ANTXR2: variants seen among roughly 807,000 people sequenced by gnomAD.
The protein encoded by ANTXR2 is ANTXR cell adhesion molecule 2.
In ANTXR2, 44 loss-of-function variants were observed where a neutral mutation model predicts 73.7. That is an observed-to-expected ratio of 0.60 (90% confidence interval 0.47 to 0.77). The LOEUF (loss-of-function observed/expected upper bound fraction) is 0.77, where lower values mean the gene tolerates loss of function less well. Ranked by LOEUF, ANTXR2 falls within the 30% of genes least tolerant of loss-of-function variation. The pLI, the probability that ANTXR2 is intolerant of heterozygous loss-of-function variation, is 0.00. For missense variants in ANTXR2, 604 were observed against 592.5 expected, an observed-to-expected ratio of 1.02 and a Z score of -0.20; for synonymous variants, 217 against 205.9, an observed-to-expected ratio of 1.05 and a Z score of -0.46.
chr4:80,048,191 T>C (rs1388860375), intron 7 of ANTXR2, among the ~76,000 whole-genome samples: 3 of 150,426 alleles, frequency 2.0e-5, no homozygotes, highest in Non-Finnish European at 4.4e-5. Flanking sequence ...AAAACTTGCA[T>C]AGATTTTATT....
intron 16 of ANTXR2, among the ~76,000 whole-genome samples, chr4:79,913,244 A>G (rs1330412178): frequency 6.6e-6 from 1 of 152,148 alleles, no homozygotes; most frequent in Non-Finnish European, 1.5e-5. Context: ...TGGTGTACCC[A>G]CTGTAATGCA....
chr4:80,015,610 G>A (rs1731798444), intron 11 of ANTXR2, among the ~76,000 whole-genome samples: 1 of 151,604 alleles, frequency 6.6e-6, no homozygotes, highest in Admixed American at 6.6e-5. Context: ...GTCAGACCTT[G>A]TGATTTCTCA....
intron 10 of ANTXR2, among the ~76,000 whole-genome samples, chr4:80,019,282 G>GC (rs1228856820): frequency 6.6e-6 from 1 of 152,148 alleles, no homozygotes; most frequent in South Asian, 2.1e-4. Context: ...CAGGAGAATT[G>GC]CTGGAACCTG....
At chr4:79,943,888 G>C (rs1289484857) in intron 16 of ANTXR2, among the ~76,000 whole-genome samples, 4 of 151,362 alleles carry the variant, frequency 2.6e-5, no homozygotes, top group Non-Finnish European at 1.5e-5. Flanking sequence ...CTAGGAACTG[G>C]ATATTTCAAC....
chr4:79,977,960 T>C (rs751365656), intron 15 of ANTXR2, 47 bp downstream of exon 15: 4 of 1,527,252 alleles, frequency 2.6e-6, no homozygotes, highest in African/African-American at 1.4e-5. Flanking sequence ...AAAGTTACAA[T>C]GTCTCCAGAA....
In ANTXR2 at chr4:79,938,076, C is replaced by T. The variant is rs528377913; in HGVS notation, c.1429-30609G>A. Among the ~76,000 whole-genome samples, 31 of 19,942 alleles carry T rather than the reference C, an allele frequency of 1.6e-3. No individual in the cohort carries two copies. In the East Asian group the frequency reaches 0.016, roughly 10 times the overall value. The allele number at this position is 19,942 out of a possible 152,430, so 13.1% of individuals were successfully genotyped here. ...CCCACACCTGGCTCGGAGGGTCCTA[C>T]GCCCACGGAATCTCGCTGATTGCTA... On this transcript the variant is annotated intron_variant, in intron 16 of 16. Transcript: ENST00000403729.
chr4:79,993,760 G>GCGTGCGCGCACACACA (rs71662888), intron 12 of ANTXR2, among the ~76,000 whole-genome samples: 3 of 140,658 alleles, frequency 2.1e-5, no homozygotes, highest in Admixed American at 2.1e-4. Flanking sequence ...ACACACACAC[G>GCGTGCGCGCACACACA]CACACACACA....
intron 11 of ANTXR2, among the ~76,000 whole-genome samples, chr4:80,014,006 A>T (rs928926029): frequency 6.6e-6 from 1 of 152,140 alleles, no homozygotes; most frequent in Non-Finnish European, 1.5e-5. Flanking sequence ...GACCCCTCGG[A>T]CATTTTCTCA....
intron 14 of ANTXR2, among the ~76,000 whole-genome samples, chr4:79,982,878 G>A (rs13125598): frequency 0.071 from 10,806 of 152,150 alleles, 468 homozygotes; most frequent in Middle Eastern, 0.11. Flanking sequence ...TGACAACCAT[G>A]TTCAGTATGT....
chr4:79,965,824 A>T (rs900183221), intron 16 of ANTXR2, among the ~76,000 whole-genome samples: 1 of 152,202 alleles, frequency 6.6e-6, no homozygotes, highest in African/African-American at 2.4e-5. Flanking sequence ...CTATTTACAA[A>T]TTTCCTAATA....
In ANTXR2 at chr4:80,018,927, CT is replaced by C; in HGVS notation, c.915del (p.Gly306AspfsTer3). 2 of 1,518,916 alleles carry C rather than the reference CT, an allele frequency of 1.3e-6. No individual in the cohort carries two copies. The highest frequency in any genetic ancestry group is 1.8e-6 in the Non-Finnish European group (2 of 1,136,418). 94.1% of individuals were successfully genotyped at this position (1,518,916 alleles called of 1,614,324 possible). A position where few individuals can be genotyped will look rare whatever the true frequency, so the allele number is the denominator to read the frequency against. On this transcript the variant is annotated frameshift_variant, in exon 11 of 17. Coordinates refer to ENST00000403729, the MANE Select transcript of ANTXR2 (RefSeq NM_058172.6). LOFTEE classifies it high-confidence loss of function. ...VSFNGGKSVI[S>X]GSLIVTATEC... is the part of the protein sequence containing the mutation. The stretch of plus-strand genomic sequence containing the variant: ...TCTGTGGCTGTGACAATTAATGATC[CT>C]GAAATGACAGATTTTCCTCCATTAA...
At chr4:79,965,450 C>T (rs1729326297) in intron 16 of ANTXR2, among the ~76,000 whole-genome samples, 1 of 152,190 alleles carries the variant, frequency 6.6e-6, no homozygotes, top group South Asian at 2.1e-4. Context: ...CTTGACAATA[C>T]ACATCAAGTT....
At chr4:79,961,641 T>C (rs966967625) in intron 16 of ANTXR2, among the ~76,000 whole-genome samples, 3 of 152,076 alleles carry the variant, frequency 2.0e-5, no homozygotes, top group African/African-American at 4.8e-5. Context: ...GGTCTCCCTA[T>C]GTTGCCCAGG....
At chr4:79,977,182 G>A (rs967747148) in intron 16 of ANTXR2, among the ~76,000 whole-genome samples, 3 of 152,114 alleles carry the variant, frequency 2.0e-5, no homozygotes, top group Non-Finnish European at 4.4e-5. Context: ...CAAGAAATTC[G>A]ATTACATCAA....
rs13140055 is a variant in ANTXR2, at chr4:80,072,642, G to T, written c.-82C>A. The T allele has an allele frequency of 0.38, 521,866 of 1,359,096 alleles. 102,550 individuals carry two copies. Among genetic ancestry groups the T allele is most frequent in the South Asian group, 0.57 (32,364 of 57,196 alleles). 84.2% of individuals were successfully genotyped at this position (1,359,096 alleles called of 1,614,324 possible). ...GTCGCAAAGGTGGCGGGAGTCACCCGGCACGCACTCTGGGGTGGGGGGCGG... is the reference window on the plus strand; with the variant it reads ...GTCGCAAAGGTGGCGGGAGTCACCCTGCACGCACTCTGGGGTGGGGGGCGG... On this transcript the variant is annotated 5_prime_UTR_variant, in exon 1 of 17. Coordinates refer to ENST00000403729, the MANE Select transcript of ANTXR2 (RefSeq NM_058172.6).
Position 79,907,417 on chromosome 4 carries a change from C to T in ANTXR2, c.*12G>A, listed in dbSNP as rs1488917665. ...GCCATCTTCGTACCTTCTTGGTCTT[C>T]CTGCTTCCCTTTTACTGAGATGGAA... On this transcript the variant is annotated 3_prime_UTR_variant, in exon 17 of 17. Coordinates refer to ENST00000403729, the MANE Select transcript of ANTXR2 (RefSeq NM_058172.6). The T allele has an allele frequency of 2.5e-6, 4 of 1,611,802 alleles. No homozygotes were observed. The highest frequency in any genetic ancestry group is 3.4e-6 in the Non-Finnish European group (4 of 1,178,632).
chr4:79,994,903 T>C (rs1375766780), intron 12 of ANTXR2, among the ~76,000 whole-genome samples: 2 of 151,972 alleles, frequency 1.3e-5, no homozygotes, highest in African/African-American at 4.8e-5. Context: ...TGCCTCAGCA[T>C]GGTGTCAGTC....
intron 16 of ANTXR2, among the ~76,000 whole-genome samples, chr4:79,973,145 G>T (rs1359463736): frequency 1.3e-5 from 2 of 152,096 alleles, no homozygotes; most frequent in Non-Finnish European, 1.5e-5. Flanking sequence ...AGGGAAGTAA[G>T]ATAGCACTCT....
intron 16 of ANTXR2, among the ~76,000 whole-genome samples, chr4:79,958,757 G>A (rs1056656075): frequency 6.6e-5 from 10 of 152,008 alleles, no homozygotes; most frequent in South Asian, 4.1e-4. Context: ...ATCTGGATTC[G>A]GAGGACAGTT....
Sources: gnomAD v4.1 joint callset for allele counts (sites outside exome capture counted in the v4.1 genomes callset) on GRCh38, gnomAD v4.1.1 for gene constraint, MANE v1.5 for transcripts, NCBI Gene and HGNC (gene_info 2026-07-23, HGNC 2026-07-21) for gene names.